TPX2: variants seen among roughly 807,000 people sequenced by gnomAD.
TPX2 encodes the protein targeting protein for Xklp2.
In TPX2, 21 loss-of-function variants were observed where a neutral mutation model predicts 93.6. The observed-to-expected ratio is 0.22, with a 90% CI of 0.16 to 0.32. The LOEUF is 0.32. Among genes scored for constraint, TPX2 ranks in the 10% least tolerant of loss-of-function variants. The pLI, the probability that TPX2 is intolerant of heterozygous loss-of-function variation, is 1.00. For synonymous variants in TPX2, 281 were observed against 298.3 expected, an observed-to-expected ratio of 0.94 and a Z score of 0.60; for missense variants, 776 against 871.1, an observed-to-expected ratio of 0.89 and a Z score of 1.37.
chr20:31,778,651 A>C (rs951012268), intron 9 of TPX2, among the ~76,000 whole-genome samples, 162 bp from the exon 10 acceptor site: 2 of 152,202 alleles, frequency 1.3e-5, no homozygotes, highest in Non-Finnish European at 2.9e-5. Context: ...TAATGAGAAC[A>C]GATTAGTTAT....
intron 2 of TPX2, among the ~76,000 whole-genome samples, chr20:31,743,954 C>A: frequency 6.6e-6 from 1 of 151,734 alleles, no homozygotes; most frequent in Admixed American, 6.6e-5. Context: ...CTCCTGACTT[C>A]AGGTGATCTG....
intron 10 of TPX2, 50 bp downstream of exon 10, chr20:31,779,034 C>T: frequency 2.7e-6 from 4 of 1,501,364 alleles, no homozygotes; most frequent in Non-Finnish European, 3.6e-6. Context: ...CCTACATTCC[C>T]TCTGCTTACA....
chr20:31,801,026 C>T lies in TPX2; in HGVS notation c.2190C>T (p.Asp730=). 1.2e-6 allele frequency: 2 copies of T among 1,614,232 alleles called. No homozygotes were observed. The highest frequency in any genetic ancestry group is 2.7e-5 in the African/African-American group (2 of 75,062). The change falls in exon 18 of 18, where the codon GAC becomes GAT. Residue 730 remains aspartate (D), a synonymous_variant. Coordinates refer to ENST00000300403, the MANE Select transcript of TPX2 (RefSeq NM_012112.5). The part of the protein sequence containing the change: ...KYQGLEIKSS[D]QPLTVPVSPK... ...AGGGTCTGGAGATAAAGTCAAGTGACCAGCCTCTGACTGTGCCTGTATCTC... is the reference window on the plus strand; with the variant it reads ...AGGGTCTGGAGATAAAGTCAAGTGATCAGCCTCTGACTGTGCCTGTATCTC...
chr20:31,791,334 A>T (rs528950984), intron 12 of TPX2, among the ~76,000 whole-genome samples: 1 of 152,248 alleles, frequency 6.6e-6, no homozygotes, highest in East Asian at 1.9e-4. Flanking sequence ...CCCAGGCTGG[A>T]GTGCAGTGGT....
chr20:31,799,274 C>T (rs999457469), intron 17 of TPX2, among the ~76,000 whole-genome samples: 3 of 151,952 alleles, frequency 2.0e-5, no homozygotes, highest in Admixed American at 1.3e-4. Flanking sequence ...GATGGAACTT[C>T]GTATGATAAA....
rs117076659 is a variant in TPX2 at position 31,785,214 on chromosome 20, A to C, written c.1413+1293A>C. On this transcript the variant is annotated intron_variant, in intron 12 of 17. Transcript: ENST00000300403. ...TGCTTTTTTTTCCCTGCCATGATGC[A>C]TATGTACTATATGCCAAGCTCTGTT... Among the ~76,000 whole-genome samples the C allele has an allele frequency of 3.3e-3, 509 of 151,956 alleles. 17 individuals are homozygous for C. In the East Asian group the frequency reaches 0.075, roughly 22 times the overall value.
At chr20:31,765,193 C>A (rs1310142115) in intron 4 of TPX2, among the ~76,000 whole-genome samples, 1 of 151,324 alleles carries the variant, frequency 6.6e-6, no homozygotes, top group Non-Finnish European at 1.5e-5. Context: ...GCTTGTAGTT[C>A]ATGCCTGTAA....
intron 2 of TPX2, among the ~76,000 whole-genome samples, chr20:31,752,735 C>T (rs2122965851): frequency 6.6e-6 from 1 of 152,188 alleles, no homozygotes; most frequent in South Asian, 2.1e-4. Context: ...GCCTTAGCCT[C>T]CTGAGTAGCT....
chr20:31,782,537 A>T, intron 11 of TPX2, 147 bp downstream of exon 11: 1 of 1,036,612 alleles, frequency 9.6e-7, no homozygotes, highest in Non-Finnish European at 1.4e-6. Context: ...GCCCCTGCCT[A>T]TATGATTTAA....
At chr20:31,797,065 C>T (rs548327634) in intron 15 of TPX2, among the ~76,000 whole-genome samples, 1 of 149,386 alleles carries the variant, frequency 6.7e-6, no homozygotes, top group Non-Finnish European at 1.5e-5. Flanking sequence ...AACAAACCTG[C>T]ACATTGTGCA....
At chr20:31,782,918 A>G (rs1010181879) in intron 11 of TPX2, among the ~76,000 whole-genome samples, 2 of 151,732 alleles carry the variant, frequency 1.3e-5, no homozygotes, top group Non-Finnish European at 2.9e-5. Flanking sequence ...ACACACACAC[A>G]CACACACACA....
At chr20:31,750,619 C>G (rs1313994474) in intron 2 of TPX2, among the ~76,000 whole-genome samples, 4 of 152,066 alleles carry the variant, frequency 2.6e-5, no homozygotes, top group Non-Finnish European at 5.9e-5. Context: ...GCATGTGCCA[C>G]CAAACTCAGC....
intron 3 of TPX2, among the ~76,000 whole-genome samples, chr20:31,759,050 A>C (rs985558688): frequency 2.0e-5 from 3 of 152,086 alleles, no homozygotes; most frequent in Admixed American, 1.3e-4. Context: ...TGGCTAACAA[A>C]ACTACCTCAG....
intron 10 of TPX2, among the ~76,000 whole-genome samples, chr20:31,779,658 G>T (rs1441798205): frequency 1.3e-5 from 2 of 152,210 alleles, no homozygotes; most frequent in Non-Finnish European, 2.9e-5. Context: ...GATAGGGAGA[G>T]CATGTCTGAA....
At chr20:31,752,111 GA>G (rs1387268915) in intron 2 of TPX2, among the ~76,000 whole-genome samples, 2 of 152,134 alleles carry the variant, frequency 1.3e-5, no homozygotes, top group Middle Eastern at 3.2e-3. Flanking sequence ...CAGAAGTCTA[GA>G]GGTATATAGT....
intron 9 of TPX2, 77 bp from the exon 10 acceptor site, chr20:31,778,734 CTG>C: frequency 1.5e-6 from 2 of 1,354,214 alleles, no homozygotes; most frequent in Non-Finnish European, 2.0e-6. Context: ...TATTGATCCT[CTG>C]TGCCGAATAT....
intron 7 of TPX2, among the ~76,000 whole-genome samples, chr20:31,772,086 T>C (rs576779744): frequency 3.3e-5 from 5 of 149,708 alleles, no homozygotes; most frequent in Admixed American, 6.7e-5. Flanking sequence ...AGTGGCATGA[T>C]CTTGGCTTAC....
rs1040136077 is a variant in TPX2 at position 31,777,787 on chromosome 20, T to TG, written c.882+149_882+150insG. 33 of 876,350 alleles carry TG rather than the reference T, an allele frequency of 3.8e-5. No homozygotes were observed. In the African/African-American group the frequency reaches 5.2e-4, roughly 14 times the overall value. 54.3% of individuals were successfully genotyped at this position (876,350 alleles called of 1,614,324 possible). A position where few individuals can be genotyped will look rare whatever the true frequency, so the allele number is the denominator to read the frequency against. On this transcript the variant is annotated intron_variant, in intron 9 of 17. Transcript: ENST00000300403. ...GTGTAAAATATAACAGATCTTTTTT[T>TG]TTTTTTGAGATGGAGTTTCACTTTT...
intron 12 of TPX2, among the ~76,000 whole-genome samples, chr20:31,789,259 C>T (rs1020223123): frequency 6.6e-6 from 1 of 152,064 alleles, no homozygotes; most frequent in African/African-American, 2.4e-5. Flanking sequence ...GAACAGGGAC[C>T]GTGTGTATCT....
Sources: allele counts gnomAD v4.1 joint callset (sites outside exome capture counted in the v4.1 genomes callset), GRCh38; gene constraint gnomAD v4.1.1; transcripts MANE v1.5; gene names NCBI Gene and HGNC (gene_info 2026-07-23, HGNC 2026-07-21).